MACROD2: variants seen among roughly 807,000 people sequenced by gnomAD.
The protein encoded by MACROD2 is mono-ADP ribosylhydrolase 2.
A neutral mutation model predicts 70.4 loss-of-function variants in MACROD2; 36 were observed. That is an observed-to-expected ratio of 0.51 (90% CI 0.39 to 0.68). The LOEUF is 0.68. Among genes scored for constraint, MACROD2 ranks in the 30% least tolerant of loss-of-function variants. The probability of loss-of-function intolerance (pLI) is 0.00; values close to 1 mark genes in which losing one functional copy is unlikely to be tolerated. For synonymous variants in MACROD2, 172 were observed against 178.8 expected, an observed-to-expected ratio of 0.96 and a Z score of 0.30; for missense variants, 496 against 538.4, an observed-to-expected ratio of 0.92 and a Z score of 0.78.
At chr20:15,850,199 C>T (rs1172231963) in intron 8 of MACROD2, among the ~76,000 whole-genome samples, 1 of 152,138 alleles carries the variant, frequency 6.6e-6, no homozygotes, top group African/African-American at 2.4e-5. Context: ...TGACACAGAG[C>T]ATGCCACCAA....
chr20:14,326,341 G>A lies in MACROD2; in HGVS notation c.272-167138G>A, dbSNP rs997070065. On this transcript the variant is annotated intron_variant, in intron 3 of 17. Coordinates refer to ENST00000684519, the MANE Select transcript of MACROD2 (RefSeq NM_001351661.2). This position sits in a 1 kb window ranked among gnomAD's most constrained non-coding sequence, Gnocchi z 5.5. ...AGTGAGCTTGGGGTTCTTAATATCT[G>A]GCTGTTTGGTCACTGGAGCTGGCCA... 7.4e-6 allele frequency: 12 copies of A among 1,613,762 alleles called. No individual in the cohort carries two copies. The highest frequency in any genetic ancestry group is 1.0e-5 in the Non-Finnish European group (12 of 1,179,866).
chr20:14,689,049 C>A (rs1379946523), intron 5 of MACROD2, among the ~76,000 whole-genome samples: 1 of 131,000 alleles, frequency 7.6e-6, no homozygotes, highest in African/African-American at 2.6e-5. Context: ...TTCTCTACAT[C>A]ATCTCCTTCT....
chr20:15,686,079 A>G (rs1484367486), intron 8 of MACROD2, among the ~76,000 whole-genome samples: 1 of 152,244 alleles, frequency 6.6e-6, no homozygotes, highest in Non-Finnish European at 1.5e-5. Context: ...GAAAAGTCAC[A>G]CAGGTGGAAA....
At chr20:15,819,420 AAT>A (rs2063914256) in intron 8 of MACROD2, among the ~76,000 whole-genome samples, 1 of 143,140 alleles carries the variant, frequency 7.0e-6, no homozygotes, top group East Asian at 2.0e-4. Flanking sequence ...TATTTATATA[AAT>A]ATAAATAAGT....
chr20:14,297,646 T>C (rs2082438385), intron 3 of MACROD2, among the ~76,000 whole-genome samples: 1 of 151,898 alleles, frequency 6.6e-6, no homozygotes, highest in Admixed American at 6.6e-5. Flanking sequence ...AGAGGTTGGT[T>C]CCTGAGGTTT....
At chr20:15,094,544 G>A (rs1018049304) in intron 5 of MACROD2, among the ~76,000 whole-genome samples, 3 of 152,056 alleles carry the variant, frequency 2.0e-5, no homozygotes, top group Non-Finnish European at 4.4e-5. Flanking sequence ...TTTGACTCTT[G>A]TATACTTAAA....
chr20:14,056,563 A>G (rs992623360), intron 2 of MACROD2, among the ~76,000 whole-genome samples: 7 of 152,060 alleles, frequency 4.6e-5, no homozygotes, highest in Non-Finnish European at 8.8e-5. Flanking sequence ...TAGATTTTCA[A>G]TAAAATGTAG....
intron 3 of MACROD2, among the ~76,000 whole-genome samples, chr20:14,421,854 T>C (rs2083879556): frequency 6.6e-6 from 1 of 152,138 alleles, no homozygotes; most frequent in Admixed American, 6.5e-5. Context: ...TATGTATGCT[T>C]GAAAAATGAG....
At chr20:14,894,623 T>C (rs1259794636) in intron 5 of MACROD2, 1 of 152,216 alleles carries the variant, frequency 6.6e-6, no homozygotes, top group Non-Finnish European at 1.5e-5. Context: ...CAAATTCTAA[T>C]GCATTAGGAA....
At chr20:15,036,658 G>T (rs897688572) in intron 5 of MACROD2, among the ~76,000 whole-genome samples, 1 of 152,012 alleles carries the variant, frequency 6.6e-6, no homozygotes, top group African/African-American at 2.4e-5. Context: ...TAAGGTTAAT[G>T]CAACAATACA....
At chr20:14,373,423 C>G (rs991276390) in intron 3 of MACROD2, among the ~76,000 whole-genome samples, 2 of 151,822 alleles carry the variant, frequency 1.3e-5, no homozygotes, top group Admixed American at 1.3e-4. Context: ...TGAATTGTCT[C>G]TAGTATTTTT....
chr20:14,990,844 A>T (rs1004923040), intron 5 of MACROD2, among the ~76,000 whole-genome samples: 2 of 152,148 alleles, frequency 1.3e-5, no homozygotes, highest in African/African-American at 4.8e-5. Flanking sequence ...AATCTGCAAC[A>T]TGACTTTAAT....
At chr20:15,742,529 G>A (rs558423634) in intron 8 of MACROD2, among the ~76,000 whole-genome samples, 6 of 152,248 alleles carry the variant, frequency 3.9e-5, no homozygotes, top group South Asian at 4.1e-4. Flanking sequence ...GGGAATCAGC[G>A]TGCGAAGAAA....
At chr20:15,968,301 C>G (rs1400744750) in intron 13 of MACROD2, among the ~76,000 whole-genome samples, 1 of 152,146 alleles carries the variant, frequency 6.6e-6, no homozygotes, top group Non-Finnish European at 1.5e-5. Context: ...AATGGAGTCA[C>G]AGTTTCCAGA....
chr20:15,035,625 G>A (rs1392159704), intron 5 of MACROD2, among the ~76,000 whole-genome samples: 1 of 152,100 alleles, frequency 6.6e-6, no homozygotes, highest in Non-Finnish European at 1.5e-5. Flanking sequence ...TGGTCACTGA[G>A]GCTCCTACTT....
At chr20:15,299,222 CTACTGCTATTTCTA>C (rs2077619660) in intron 6 of MACROD2, among the ~76,000 whole-genome samples, 1 of 152,150 alleles carries the variant, frequency 6.6e-6, no homozygotes, top group Non-Finnish European at 1.5e-5. Flanking sequence ...TGCATCCTTT[CTACTGCTATTTCTA>C]ACCCCCATTT....
At chr20:15,615,814 A>T (rs2049029492) in intron 8 of MACROD2, among the ~76,000 whole-genome samples, 1 of 152,176 alleles carries the variant, frequency 6.6e-6, no homozygotes, top group South Asian at 2.1e-4. Flanking sequence ...GCAGGGAGGT[A>T]CCTGTGAGAA....
At chr20:14,255,452 G>A (rs1390180511) in intron 3 of MACROD2, among the ~76,000 whole-genome samples, 9 of 151,218 alleles carry the variant, frequency 6.0e-5, no homozygotes, top group Middle Eastern at 3.4e-3. Flanking sequence ...ACCAAACACC[G>A]CATGTTCTCA....
intron 3 of MACROD2, chr20:14,127,796 A>T (rs2054671146): frequency 2.2e-6 from 1 of 452,878 alleles, no homozygotes; most frequent in African/African-American, 2.0e-5. Context: ...CAAAAGAGAA[A>T]ATTGAAGAGA....
Sources: allele counts gnomAD v4.1 joint callset (sites outside exome capture counted in the v4.1 genomes callset), GRCh38; gene constraint gnomAD v4.1.1; non-coding constraint Gnocchi (gnomAD v3.1); transcripts MANE v1.5; gene names NCBI Gene and HGNC (gene_info 2026-07-23, HGNC 2026-07-21).